The following ANKRD7 variants were observed in gnomAD, a reference collection of about 807,000 sequenced individuals.
ANKRD7 encodes ankyrin repeat domain 7.
Under a neutral mutation model 30.8 loss-of-function variants are expected in ANKRD7, and 30 were observed. The ratio of observed to expected loss-of-function variants is 0.97; its 90% CI spans 0.73 to 1.32. The LOEUF is 1.32. Ranked by LOEUF, ANKRD7 falls within the 40% of genes most tolerant of loss-of-function variation. ANKRD7 has a pLI of 0.00. For synonymous variants in ANKRD7, 97 were observed against 106.6 expected (o/e 0.91, Z 0.55); for missense variants, 264 against 295.7 (o/e 0.89, Z 0.79).
At position 118,242,523 on chromosome 7, in the gene ANKRD7, A is replaced by C. The variant is rs1339525909; in HGVS notation, c.*212A>C. 3.3e-5 allele frequency: 5 copies of C among 152,062 alleles called. No individual in the cohort carries two copies. The highest frequency in any genetic ancestry group is 1.2e-4 in the African/African-American group (5 of 41,448). 9.4% of individuals were successfully genotyped at this position (152,062 alleles called of 1,614,324 possible). On this transcript the variant is annotated 3_prime_UTR_variant, in exon 7 of 7. Transcript: ENST00000265224. The stretch of plus-strand genomic sequence containing the variant: ...ACGTTAGAAGACATGAAGAAATTTT[A>C]AAAGATAAACATCTATATTGTGAAC...
chr7:118,241,313 C>G (rs75555373), intron 6 of ANKRD7, among the ~76,000 whole-genome samples: 4,887 of 151,712 alleles, frequency 0.032, 132 homozygotes, highest in East Asian at 0.077. Flanking sequence ...GCAGACTCCT[C>G]CACTACAATT....
In ANKRD7 at chr7:118,240,409, G is replaced by A. The variant is rs539924210; in HGVS notation, c.*37+411G>A. Among the ~76,000 whole-genome samples the A allele has an allele frequency of 1.8e-4, 28 of 151,992 alleles. No individual in the cohort carries two copies. The East Asian group carries it at 5.4e-3, about 29-fold the overall frequency. ...TTCCCACCTATGAGTGAGAATATGCGGTGTTTGGTTTTTTGTTCTTGCGAT... is the reference window on the plus strand; with the variant it reads ...TTCCCACCTATGAGTGAGAATATGCAGTGTTTGGTTTTTTGTTCTTGCGAT... On this transcript the variant is annotated intron_variant, in intron 6 of 6. Coordinates refer to ENST00000265224, the MANE Select transcript of ANKRD7 (RefSeq NM_019644.4).
At chr7:118,238,307 TC>T (rs1257844673) in intron 5 of ANKRD7, among the ~76,000 whole-genome samples, 4 of 152,182 alleles carry the variant, frequency 2.6e-5, no homozygotes, top group Non-Finnish European at 5.9e-5. Flanking sequence ...CATTTTTTTT[TC>T]TTTTTTTTCA....
In ANKRD7 at chr7:118,225,348, C is replaced by T. The variant is rs185426605; in HGVS notation, c.179+339C>T. Among the ~76,000 whole-genome samples, 1,137 of 152,038 alleles carry T rather than the reference C, an allele frequency of 7.5e-3. 6 individuals carry two copies. Among genetic ancestry groups the T allele is most frequent in the Middle Eastern group, 0.031 (9 of 292 alleles). On this transcript the variant is annotated intron_variant, in intron 1 of 6. Transcript: ENST00000265224. Reference sequence around the variant, plus strand: ...ACCAAAAATGCAAAAATTAGTGGGGCGTGGTGGCGGACGCCTGTAATCCCA... The same window carrying T: ...ACCAAAAATGCAAAAATTAGTGGGGTGTGGTGGCGGACGCCTGTAATCCCA...
At chr7:118,241,060 A>G (rs1377858843) in intron 6 of ANKRD7, among the ~76,000 whole-genome samples, 1 of 146,372 alleles carries the variant, frequency 6.8e-6, no homozygotes, top group African/African-American at 2.5e-5. Flanking sequence ...AGGCTGAGGC[A>G]GGAGAATGGC....
In ANKRD7 at chr7:118,239,980, T is replaced by TC. The variant is rs2116027773; in HGVS notation, c.*19_*20insC. 6.5e-7 allele frequency: 1 copy of TC among 1,547,296 alleles called. No individual in the cohort carries two copies. The highest frequency in any genetic ancestry group is 2.3e-5 in the East Asian group (1 of 43,184). On this transcript the variant is annotated 3_prime_UTR_variant, in exon 6 of 7. Transcript: ENST00000265224. The stretch of plus-strand genomic sequence containing the variant: ...TAAATAGACACCTTATTCTTGGCAC[T>TC]ACATGTGACTAAAGGAAGGTAAGAT...
At chr7:118,229,250 G>C (rs1295621655) in intron 1 of ANKRD7, among the ~76,000 whole-genome samples, 1 of 152,040 alleles carries the variant, frequency 6.6e-6, no homozygotes, top group Non-Finnish European at 1.5e-5. Context: ...TACCTTACTA[G>C]TGAGGGCTTC....
intron 3 of ANKRD7, among the ~76,000 whole-genome samples, chr7:118,235,437 C>T (rs56090802): frequency 0.026 from 4,019 of 151,824 alleles, 78 homozygotes; most frequent in Non-Finnish European, 0.043. Context: ...GTGGTGAAAC[C>T]CCGTCTCTAC....
chr7:118,237,487 G>C (rs1809750045), intron 5 of ANKRD7, among the ~76,000 whole-genome samples: 1 of 152,028 alleles, frequency 6.6e-6, no homozygotes, highest in African/African-American at 2.4e-5. Flanking sequence ...TTAACTTATA[G>C]ATAATTTGTA....
In ANKRD7 at chr7:118,239,980, T is replaced by C; in HGVS notation, c.*19T>C. The C allele has an allele frequency of 6.5e-7, 1 of 1,547,296 alleles. No individual in the cohort carries two copies. Among genetic ancestry groups the C allele is most frequent in the South Asian group, 1.3e-5 (1 of 78,340 alleles). On this transcript the variant is annotated 3_prime_UTR_variant, in exon 6 of 7. Coordinates refer to ENST00000265224, the MANE Select transcript of ANKRD7 (RefSeq NM_019644.4). ...TAAATAGACACCTTATTCTTGGCAC[T>C]ACATGTGACTAAAGGAAGGTAAGAT...
At chr7:118,232,054 G>T (rs1448507270) in intron 1 of ANKRD7, among the ~76,000 whole-genome samples, 1 of 151,976 alleles carries the variant, frequency 6.6e-6, no homozygotes, top group Admixed American at 6.6e-5. Context: ...TATACTTTTT[G>T]CATTCAACTC....
At position 118,242,349 on chromosome 7, in the gene ANKRD7, A is replaced by T. The variant is rs1809860524; in HGVS notation, c.*38A>T. 1 of 152,176 alleles carries T rather than the reference A, an allele frequency of 6.6e-6. No individual in the cohort carries two copies. The allele number at this position is 152,176 out of a possible 1,614,324, so 9.4% of individuals were successfully genotyped here. On this transcript the variant is annotated splice_region_variant and 3_prime_UTR_variant, in exon 7 of 7. Coordinates refer to ENST00000265224, the MANE Select transcript of ANKRD7 (RefSeq NM_019644.4). ...ATTATAAATATCATTTGTTTCCTAG[A>T]TATGGAACCCATTTCTACAATTTCT...
intron 6 of ANKRD7, among the ~76,000 whole-genome samples, chr7:118,240,848 T>A (rs1809821724): frequency 1.3e-5 from 2 of 152,146 alleles, no homozygotes; most frequent in African/African-American, 2.4e-5. Flanking sequence ...ATTTTGTTAT[T>A]CATTTTCAAG....
At position 118,227,865 on chromosome 7, in the gene ANKRD7, T is replaced by C. The variant is rs976323545; in HGVS notation, c.179+2856T>C. 3.0e-6 allele frequency: 4 copies of C among 1,336,952 alleles called. No homozygotes were observed. The African/African-American group carries it at 6.1e-5, about 20-fold the overall frequency. The allele number at this position is 1,336,952 out of a possible 1,614,324, so 82.8% of individuals were successfully genotyped here. A position where few individuals can be genotyped will look rare whatever the true frequency, so the allele number is the denominator to read the frequency against. Reference sequence around the variant, plus strand: ...GGTGGGTAAGTGAAAACTATACAGTTAGGAAAAGGATTTGTATTTAGCTTA... The same window carrying C: ...GGTGGGTAAGTGAAAACTATACAGTCAGGAAAAGGATTTGTATTTAGCTTA... On this transcript the variant is annotated intron_variant, in intron 1 of 6. Transcript: ENST00000265224.
intron 5 of ANKRD7, 50 bp downstream of exon 5, chr7:118,236,976 G>C (rs1167744628): frequency 1.9e-6 from 3 of 1,588,956 alleles, no homozygotes; most frequent in South Asian, 1.1e-5. Flanking sequence ...TTGATTATAA[G>C]GATCAAAGCC....
intron 1 of ANKRD7, among the ~76,000 whole-genome samples, chr7:118,225,234 C>T (rs1809520932): frequency 2.0e-5 from 3 of 152,026 alleles, no homozygotes; most frequent in African/African-American, 7.2e-5. Context: ...CGTCTGTAAT[C>T]CTAGCACTCT....
At chr7:118,225,361 G>A (rs1157803994) in intron 1 of ANKRD7, among the ~76,000 whole-genome samples, 1 of 151,814 alleles carries the variant, frequency 6.6e-6, no homozygotes, top group Non-Finnish European at 1.5e-5. Context: ...GGTGGCGGAC[G>A]CCTGTAATCC....
chr7:118,230,009 A>G (rs1456385294), intron 1 of ANKRD7, among the ~76,000 whole-genome samples: 4 of 152,084 alleles, frequency 2.6e-5, no homozygotes, highest in Non-Finnish European at 4.4e-5. Flanking sequence ...TCAACAAACT[A>G]GGCATCGAAG....
intron 5 of ANKRD7, 32 bp from the exon 6 acceptor site, chr7:118,239,877 A>G: frequency 7.0e-7 from 1 of 1,437,658 alleles, no homozygotes; most frequent in Non-Finnish European, 9.7e-7. Context: ...ATTTCTATGC[A>G]TGCTGGCATT....
Sources: gnomAD v4.1 joint callset for allele counts (sites outside exome capture counted in the v4.1 genomes callset) on GRCh38, gnomAD v4.1.1 for gene constraint, MANE v1.5 for transcripts, NCBI Gene and HGNC (gene_info 2026-07-23, HGNC 2026-07-21) for gene names.